The following DYNC1I1 variants were observed in gnomAD, a reference collection of about 807,000 sequenced individuals.
The protein encoded by DYNC1I1 is dynein cytoplasmic 1 intermediate chain 1.
A neutral mutation model predicts 86.6 loss-of-function variants in DYNC1I1; 43 were observed. That is an observed-to-expected ratio of 0.50 (90% CI 0.39 to 0.64). The LOEUF (loss-of-function observed/expected upper bound fraction) is 0.64. Ranked by LOEUF, DYNC1I1 falls within the 30% of genes least tolerant of loss-of-function variation. DYNC1I1 has a pLI of 0.00. For synonymous variants in DYNC1I1, 262 were observed against 283.7 expected, an observed-to-expected ratio of 0.92 and a Z score of 0.77; for missense variants, 604 against 788.8, an observed-to-expected ratio of 0.77 and a Z score of 2.81.
intron 6 of DYNC1I1, among the ~76,000 whole-genome samples, chr7:95,960,879 C>T (rs555511609): frequency 2.2e-4 from 33 of 152,306 alleles, no homozygotes; most frequent in African/African-American, 7.9e-4. Flanking sequence ...GTTTAATTAG[C>T]CTTTCCAAGA....
At chr7:95,874,080 T>A (rs1020051779) in intron 6 of DYNC1I1, among the ~76,000 whole-genome samples, 2 of 152,234 alleles carry the variant, frequency 1.3e-5, no homozygotes, top group South Asian at 4.1e-4. Context: ...AGTATCCACC[T>A]CATCCTAGTG....
At chr7:96,018,627 G>T (rs1426266467) in intron 10 of DYNC1I1, among the ~76,000 whole-genome samples, 2 of 152,164 alleles carry the variant, frequency 1.3e-5, no homozygotes, top group Admixed American at 1.3e-4. Context: ...TGATGCTGAA[G>T]AGAAGTTGGG....
chr7:95,837,041 G>A (rs1350041531), intron 5 of DYNC1I1, among the ~76,000 whole-genome samples: 1 of 151,406 alleles, frequency 6.6e-6, no homozygotes, highest in Non-Finnish European at 1.5e-5. Flanking sequence ...GAGGAGAGGC[G>A]CTCTGCTTTT....
intron 16 of DYNC1I1, among the ~76,000 whole-genome samples, chr7:96,106,636 A>T (rs2116353449): frequency 6.6e-6 from 1 of 152,232 alleles, no homozygotes; most frequent in Non-Finnish European, 1.5e-5. Context: ...TGTTCAAAAT[A>T]TTTTCTAATT....
At chr7:96,070,247 G>T (rs888303168) in intron 14 of DYNC1I1, among the ~76,000 whole-genome samples, 3 of 152,060 alleles carry the variant, frequency 2.0e-5, no homozygotes, top group Non-Finnish European at 4.4e-5. Context: ...TGGTTTTTTG[G>T]TTTGGTTTGG....
intron 14 of DYNC1I1, among the ~76,000 whole-genome samples, chr7:96,043,141 C>A (rs1789106239): frequency 2.0e-5 from 3 of 148,022 alleles, no homozygotes; most frequent in Admixed American, 2.0e-4. Context: ...TGCACTCCAA[C>A]CTGGTGACAG....
chr7:95,939,278 T>C lies in DYNC1I1; in HGVS notation c.491-38234T>C, dbSNP rs1250748802. On this transcript the variant is annotated intron_variant, in intron 6 of 16. Coordinates refer to ENST00000447467, the MANE Select transcript of DYNC1I1 (RefSeq NM_001135556.2). Reference sequence around the variant, plus strand: ...CTGAAAAAAATGTATATTCTGTTGATTTGGGGTGGAGAGTTCTGTAGATAT... The same window carrying C: ...CTGAAAAAAATGTATATTCTGTTGACTTGGGGTGGAGAGTTCTGTAGATAT... 5.9e-5 allele frequency among the ~76,000 whole-genome samples: 9 copies of C among 152,194 alleles called. No homozygotes were observed. In the East Asian group the frequency reaches 1.7e-3, roughly 29 times the overall value.
At position 95,973,598 on chromosome 7, in the gene DYNC1I1, C is replaced by T. The variant is rs1171534552; in HGVS notation, c.491-3914C>T. ...ATTTTCCATTCAAGGAATTAGATAA[C>T]CTGCTATTTCCTCACATGCTTCTAT... On this transcript the variant is annotated intron_variant, in intron 6 of 16. Transcript: ENST00000447467. Among the ~76,000 whole-genome samples, 3 of 152,118 alleles carry T rather than the reference C, an allele frequency of 2.0e-5. No homozygotes were observed. The East Asian group carries it at 5.8e-4, about 29-fold the overall frequency.
intron 7 of DYNC1I1, among the ~76,000 whole-genome samples, chr7:95,978,415 C>A (rs1793364425): frequency 6.6e-6 from 1 of 152,172 alleles, no homozygotes; most frequent in Admixed American, 6.5e-5. Context: ...GGTGACATTT[C>A]CTTACAAACC....
chr7:95,785,779 A>ATATATATATATATG (rs1794122308), intron 1 of DYNC1I1, among the ~76,000 whole-genome samples: 1 of 15,260 alleles, frequency 6.6e-5, no homozygotes, highest in Middle Eastern at 0.038. Context: ...GTATGTGTAT[A>ATATATATATATATG]TATATATATA....
intron 4 of DYNC1I1, among the ~76,000 whole-genome samples, chr7:95,819,116 T>C (rs1331447807): frequency 6.6e-6 from 1 of 152,074 alleles, no homozygotes; most frequent in African/African-American, 2.4e-5. Flanking sequence ...AGAATGATGA[T>C]ACAAAGGGAA....
chr7:95,879,799 C>T (rs1790405206), intron 6 of DYNC1I1, among the ~76,000 whole-genome samples: 1 of 152,170 alleles, frequency 6.6e-6, no homozygotes, highest in South Asian at 2.1e-4. Context: ...TTCCCTCAAA[C>T]TTCTAACTTG....
chr7:96,106,890 A>G (rs541070224), intron 16 of DYNC1I1, among the ~76,000 whole-genome samples: 1 of 152,326 alleles, frequency 6.6e-6, no homozygotes, highest in Admixed American at 6.5e-5. Context: ...TAGAACATGA[A>G]TTCTTCAGAT....
Position 96,028,341 on chromosome 7 carries a change from T to C in DYNC1I1, c.1116+20T>C. 3 of 1,582,106 alleles carry C rather than the reference T, an allele frequency of 1.9e-6. No individual in the cohort carries two copies. Among genetic ancestry groups the C allele is most frequent in the Non-Finnish European group, 2.6e-6 (3 of 1,156,664 alleles). On this transcript the variant is annotated intron_variant, in intron 11 of 16. Coordinates refer to ENST00000447467, the MANE Select transcript of DYNC1I1 (RefSeq NM_001135556.2). ...CACACGGTAATGCAAACTTTTGCCA[T>C]ATCCCTGTGAGCCGCCAGGCCCTGA...
intron 5 of DYNC1I1, among the ~76,000 whole-genome samples, chr7:95,832,558 T>G (rs1284461357): frequency 3.3e-5 from 5 of 151,976 alleles, no homozygotes; most frequent in Non-Finnish European, 7.4e-5. Flanking sequence ...ACTTCCACAA[T>G]GGTTGAACTA....
chr7:96,107,461 G>T (rs756235384), intron 16 of DYNC1I1, among the ~76,000 whole-genome samples: 1 of 151,576 alleles, frequency 6.6e-6, no homozygotes, highest in Admixed American at 6.6e-5. Flanking sequence ...TGAAGGACTC[G>T]CTCTAGCATT....
chr7:95,852,878 G>T (rs1431645006), intron 5 of DYNC1I1, among the ~76,000 whole-genome samples: 1 of 152,112 alleles, frequency 6.6e-6, no homozygotes, highest in Non-Finnish European at 1.5e-5. Context: ...TCCTTAAGGT[G>T]AAACATTAGA....
intron 9 of DYNC1I1, among the ~76,000 whole-genome samples, chr7:95,989,240 G>T (rs569691902): frequency 2.2e-4 from 33 of 152,316 alleles, no homozygotes; most frequent in Non-Finnish European, 4.0e-4. Flanking sequence ...GGGAACAAAA[G>T]AGGGGTGTAA....
intron 6 of DYNC1I1, among the ~76,000 whole-genome samples, chr7:95,895,858 T>A (rs1306368985): frequency 6.6e-6 from 1 of 152,208 alleles, no homozygotes; most frequent in Non-Finnish European, 1.5e-5. Flanking sequence ...GCTAATAGTA[T>A]CCTGTCTTAT....
Sources: allele counts gnomAD v4.1 joint callset (sites outside exome capture counted in the v4.1 genomes callset), GRCh38; gene constraint gnomAD v4.1.1; transcripts MANE v1.5; gene names NCBI Gene and HGNC (gene_info 2026-07-23, HGNC 2026-07-21).